The following ARFGEF2 variants were observed in gnomAD, a reference collection of about 807,000 sequenced individuals.
ARFGEF2 encodes the protein brefeldin A-inhibited guanine nucleotide-exchange protein 2.
A neutral mutation model predicts 219.9 loss-of-function variants in ARFGEF2; 74 were observed. The ratio of observed to expected loss-of-function variants is 0.34; its 90% CI spans 0.28 to 0.41. The LOEUF (loss-of-function observed/expected upper bound fraction) is 0.41, where lower values mean the gene tolerates loss of function less well. Ranked by LOEUF, ARFGEF2 falls within the 10% of genes least tolerant of loss-of-function variation. The pLI, the probability that ARFGEF2 is intolerant of heterozygous loss-of-function variation, is 1.00. For missense variants in ARFGEF2, 1,743 were observed against 2,218.3 expected (o/e 0.79, Z 4.30); for synonymous variants, 733 against 799.2 (o/e 0.92, Z 1.40).
chr20:48,961,382 T>C (rs1820083222), intron 6 of ARFGEF2, among the ~76,000 whole-genome samples: 1 of 152,064 alleles, frequency 6.6e-6, no homozygotes, highest in African/African-American at 2.4e-5. Flanking sequence ...AGGGTCAGGA[T>C]CATTCATATC....
At position 48,921,750 on chromosome 20, in the gene ARFGEF2, G is replaced by C. The variant is rs899378599; in HGVS notation, c.-140G>C. Reference sequence around the variant, plus strand: ...CGCGCTCCAACATGGCGGCGCCGTGGGGCCGAGGTGTCGCTTCCTGACGGG... The same window carrying C: ...CGCGCTCCAACATGGCGGCGCCGTGCGGCCGAGGTGTCGCTTCCTGACGGG... On this transcript the variant is annotated 5_prime_UTR_variant, in exon 1 of 39. Transcript: ENST00000371917. 1 of 892,188 alleles carries C rather than the reference G, an allele frequency of 1.1e-6. No individual in the cohort carries two copies. Among genetic ancestry groups the C allele is most frequent in the Non-Finnish European group, 1.4e-6 (1 of 706,388 alleles). The allele number at this position is 892,188 out of a possible 1,614,324, so 55.3% of individuals were successfully genotyped here.
intron 23 of ARFGEF2, among the ~76,000 whole-genome samples, 184 bp downstream of exon 23, chr20:48,996,066 A>G (rs2091384218): frequency 6.6e-6 from 1 of 152,244 alleles, no homozygotes; most frequent in Admixed American, 6.5e-5. Context: ...TAACATTGTG[A>G]CAAATTATGT....
chr20:49,030,732 G>T (rs1025992801), intron 37 of ARFGEF2, among the ~76,000 whole-genome samples: 11 of 152,022 alleles, frequency 7.2e-5, no homozygotes, highest in African/African-American at 1.7e-4. Context: ...GGCGCGGTGG[G>T]TCACATCTGT....
intron 8 of ARFGEF2, among the ~76,000 whole-genome samples, chr20:48,967,020 A>G (rs2091192311): frequency 6.6e-6 from 1 of 152,018 alleles, no homozygotes; most frequent in Non-Finnish European, 1.5e-5. Context: ...CTAATTTTTT[A>G]TTATTATTTG....
chr20:49,016,579 C>A (rs986414193), intron 31 of ARFGEF2, among the ~76,000 whole-genome samples, 164 bp downstream of exon 31: 2 of 152,072 alleles, frequency 1.3e-5, no homozygotes, highest in African/African-American at 4.8e-5. Flanking sequence ...AGTGCCCCCC[C>A]CAAGTCAGTT....
chr20:48,957,930 G>A (rs965169506), intron 6 of ARFGEF2, among the ~76,000 whole-genome samples: 3 of 152,150 alleles, frequency 2.0e-5, no homozygotes, highest in African/African-American at 7.2e-5. Context: ...TCCAAAAAAC[G>A]TTGCTCTTGA....
At chr20:48,961,162 CT>C (rs1352900926) in intron 6 of ARFGEF2, among the ~76,000 whole-genome samples, 1 of 150,098 alleles carries the variant, frequency 6.7e-6, no homozygotes, top group Non-Finnish European at 1.5e-5. Context: ...ACATTTTTAC[CT>C]TATAAACAAT....
At chr20:48,947,205 C>A (rs1396006127) in intron 3 of ARFGEF2, among the ~76,000 whole-genome samples, 1 of 151,862 alleles carries the variant, frequency 6.6e-6, no homozygotes, top group African/African-American at 2.4e-5. Context: ...TCAAGACCAG[C>A]TTGGGCAACA....
At chr20:49,026,732 C>T (rs1251858018) in intron 36 of ARFGEF2, among the ~76,000 whole-genome samples, 1 of 151,830 alleles carries the variant, frequency 6.6e-6, no homozygotes, top group Non-Finnish European at 1.5e-5. Context: ...TTTACAGGCA[C>T]ATGCCACCAT....
At chr20:48,995,584 A>G (rs983495779) in intron 22 of ARFGEF2, among the ~76,000 whole-genome samples, 199 bp from the exon 23 acceptor site, 1 of 152,248 alleles carries the variant, frequency 6.6e-6, no homozygotes, top group Non-Finnish European at 1.5e-5. Flanking sequence ...AAGAAAGCTT[A>G]TACTAAGGAT....
At chr20:48,930,856 C>G (rs1490117483) in intron 1 of ARFGEF2, among the ~76,000 whole-genome samples, 1 of 152,140 alleles carries the variant, frequency 6.6e-6, no homozygotes, top group Non-Finnish European at 1.5e-5. Flanking sequence ...TGAGAACCCT[C>G]CAGGCCTTTT....
chr20:49,001,079 T>G (rs964772542), intron 25 of ARFGEF2, among the ~76,000 whole-genome samples: 5 of 85,770 alleles, frequency 5.8e-5, no homozygotes, highest in South Asian at 7.4e-4. Flanking sequence ...TTTTTTTTTT[T>G]GAGACAGAGT....
intron 25 of ARFGEF2, among the ~76,000 whole-genome samples, chr20:48,999,048 C>T (rs1314090158): frequency 6.6e-6 from 1 of 151,862 alleles, no homozygotes; most frequent in Admixed American, 6.6e-5. Flanking sequence ...CCAGCCTGGC[C>T]AACATAGTGA....
At chr20:48,989,766 A>G in intron 20 of ARFGEF2, 82 bp downstream of exon 20, 1 of 1,594,624 alleles carries the variant, frequency 6.3e-7, no homozygotes, top group Non-Finnish European at 8.5e-7. Flanking sequence ...ATTATCAGAA[A>G]TTTTCAGTTA....
Position 49,036,377 on chromosome 20 carries a change from A to C in ARFGEF2, c.*3178A>C, listed in dbSNP as rs1194455349. 1 of 396,804 alleles carries C rather than the reference A, an allele frequency of 2.5e-6. No homozygotes were observed. Among genetic ancestry groups the C allele is most frequent in the Non-Finnish European group, 4.4e-6 (1 of 225,472 alleles). The allele number at this position is 396,804 out of a possible 1,614,324, so 24.6% of individuals were successfully genotyped here. A position where few individuals can be genotyped will look rare whatever the true frequency, so the allele number is the denominator to read the frequency against. ...CAAAGGTGTTTTACTCAGTGTTCTA[A>C]TTTTTAAAAAATTTTATCTGCATAT... is the stretch of plus-strand genomic sequence containing the variant. On this transcript the variant is annotated 3_prime_UTR_variant, in exon 39 of 39. Transcript: ENST00000371917.
chr20:48,980,185 T>G (rs1243418772), intron 14 of ARFGEF2, among the ~76,000 whole-genome samples: 1 of 152,230 alleles, frequency 6.6e-6, no homozygotes, highest in African/African-American at 2.4e-5. Flanking sequence ...CGTTGTTTCT[T>G]TGTTCTCCTT....
intron 1 of ARFGEF2, among the ~76,000 whole-genome samples, chr20:48,935,164 G>A (rs1415997092): frequency 6.6e-6 from 1 of 152,082 alleles, no homozygotes. Flanking sequence ...AGGGTCACAG[G>A]ACAATAGTGG....
At chr20:48,970,880 G>A (rs1215292419) in intron 9 of ARFGEF2, among the ~76,000 whole-genome samples, 1 of 152,144 alleles carries the variant, frequency 6.6e-6, no homozygotes, top group African/African-American at 2.4e-5. Context: ...CTTTGCTCCT[G>A]CTGTATTCTC....
rs543349125 is a variant in ARFGEF2, at chr20:48,934,699, G to T, written c.122-6500G>T. Reference sequence around the variant, plus strand: ...GGACATGAACTCATTCTTTTTTATGGTTGCATAGTAGTCCATGGTGTATAT... The same window carrying T: ...GGACATGAACTCATTCTTTTTTATGTTTGCATAGTAGTCCATGGTGTATAT... On this transcript the variant is annotated intron_variant, in intron 1 of 38. Coordinates refer to ENST00000371917, the MANE Select transcript of ARFGEF2 (RefSeq NM_006420.3). Among the ~76,000 whole-genome samples, 9 of 152,184 alleles carry T rather than the reference G, an allele frequency of 5.9e-5. No individual in the cohort carries two copies. The South Asian group carries it at 1.9e-3, about 32-fold the overall frequency.
Sources: gnomAD v4.1 joint callset for allele counts (sites outside exome capture counted in the v4.1 genomes callset) on GRCh38, gnomAD v4.1.1 for gene constraint, MANE v1.5 for transcripts, NCBI Gene and HGNC (gene_info 2026-07-23, HGNC 2026-07-21) for gene names.